The following EFCC1 variants were observed in gnomAD, a reference collection of about 807,000 sequenced individuals.
The protein encoded by EFCC1 is EF-hand and coiled-coil domain-containing protein 1.
A neutral mutation model predicts 52.1 loss-of-function variants in EFCC1; 50 were observed. The ratio of observed to expected loss-of-function variants is 0.96; its 90% CI spans 0.76 to 1.21. The LOEUF is 1.21. Among genes scored for constraint, EFCC1 ranks in the 50% most tolerant of loss-of-function variants. EFCC1 has a pLI of 0.00. For missense variants in EFCC1, 837 were observed against 867.3 expected, an observed-to-expected ratio of 0.97 and a Z score of 0.44; for synonymous variants, 399 against 396.5, an observed-to-expected ratio of 1.01 and a Z score of -0.08.
chr3:129,026,788 T>C (rs1367659121), intron 2 of EFCC1, among the ~76,000 whole-genome samples: 1 of 152,152 alleles, frequency 6.6e-6, no homozygotes, highest in Non-Finnish European at 1.5e-5. Context: ...ACCTAAGCTG[T>C]AGTCACGCGG....
At chr3:129,039,545 C>T (rs1401886542) in intron 7 of EFCC1, among the ~76,000 whole-genome samples, 167 bp from the exon 8 acceptor site, 2 of 152,346 alleles carry the variant, frequency 1.3e-5, no homozygotes, top group South Asian at 2.1e-4. Flanking sequence ...CAAGTCCCCT[C>T]TCCAGGGTCC....
intron 4 of EFCC1, among the ~76,000 whole-genome samples, chr3:129,033,413 C>T (rs913409774): frequency 1.3e-5 from 2 of 152,146 alleles, no homozygotes; most frequent in East Asian, 1.9e-4. Context: ...TCAGACAAGT[C>T]ACCTGGCTTC....
chr3:129,039,331 C>T (rs1946395284), intron 7 of EFCC1, among the ~76,000 whole-genome samples: 1 of 152,218 alleles, frequency 6.6e-6, no homozygotes, highest in South Asian at 2.1e-4. Context: ...TTAGACGAAG[C>T]TCAGGGAGCA....
intron 1 of EFCC1, among the ~76,000 whole-genome samples, chr3:129,002,981 G>C (rs1166696118): frequency 6.6e-6 from 1 of 152,160 alleles, no homozygotes; most frequent in Admixed American, 6.5e-5. Flanking sequence ...TCTGGGAGCC[G>C]TCGACAAACA....
At chr3:129,006,388 CT>C (rs1216945759) in intron 2 of EFCC1, among the ~76,000 whole-genome samples, 3 of 152,250 alleles carry the variant, frequency 2.0e-5, no homozygotes, top group Non-Finnish European at 4.4e-5. Context: ...GCGATCTTGG[CT>C]CACTGCAATC....
chr3:129,013,147 C>G (rs1408780105), intron 2 of EFCC1, among the ~76,000 whole-genome samples: 1 of 151,950 alleles, frequency 6.6e-6, no homozygotes, highest in Non-Finnish European at 1.5e-5. Context: ...CAGACCCAAG[C>G]CGGGTGAGCT....
intron 6 of EFCC1, among the ~76,000 whole-genome samples, 170 bp from the exon 7 acceptor site, chr3:129,038,661 G>A (rs1946386095): frequency 6.6e-6 from 1 of 152,188 alleles, no homozygotes; most frequent in Non-Finnish European, 1.5e-5. Flanking sequence ...TCTGGGAAGT[G>A]CAGTGTGGCC....
At chr3:129,016,912 G>C (rs930877775) in intron 2 of EFCC1, among the ~76,000 whole-genome samples, 1 of 152,156 alleles carries the variant, frequency 6.6e-6, no homozygotes, top group South Asian at 2.1e-4. Flanking sequence ...ACTCAGAATG[G>C]CTTAAACCAC....
chr3:129,013,124 A>AC (rs1477710518), intron 2 of EFCC1, among the ~76,000 whole-genome samples: 1 of 152,136 alleles, frequency 6.6e-6, no homozygotes, highest in African/African-American at 2.4e-5. Flanking sequence ...CAGGGGTAGT[A>AC]TACATGGTTC....
intron 2 of EFCC1, among the ~76,000 whole-genome samples, chr3:129,021,641 A>T (rs1945848959): frequency 6.6e-6 from 1 of 152,232 alleles, no homozygotes; most frequent in African/African-American, 2.4e-5. Context: ...CTGCGCGGGT[A>T]TCTGTCTATT....
intron 6 of EFCC1, 51 bp downstream of exon 6, chr3:129,037,168 G>A (rs977603068): frequency 1.9e-6 from 3 of 1,539,338 alleles, no homozygotes; most frequent in South Asian, 2.4e-5. Context: ...GGAGCTCTTG[G>A]GAGGGAGCCC....
chr3:129,037,938 C>A (rs1304562305), intron 6 of EFCC1, among the ~76,000 whole-genome samples: 1 of 151,764 alleles, frequency 6.6e-6, no homozygotes, highest in Non-Finnish European at 1.5e-5. Flanking sequence ...GTGGTGTATG[C>A]CTGTGGTCCC....
Position 129,012,163 on chromosome 3 carries a change from T to C in EFCC1, c.980+8086T>C, listed in dbSNP as rs112531856. Reference sequence around the variant, plus strand: ...ATGTTGCACATTTTCTTTGGTGTCTTGATGCTTCTTAGGAAGCTTCAGCTC... The same window carrying C: ...ATGTTGCACATTTTCTTTGGTGTCTCGATGCTTCTTAGGAAGCTTCAGCTC... On this transcript the variant is annotated intron_variant, in intron 2 of 7. Transcript: ENST00000683648. 8.8e-3 allele frequency among the ~76,000 whole-genome samples: 1,341 copies of C among 152,358 alleles called. 22 individuals are homozygous for C. The highest frequency in any genetic ancestry group is 0.03 in the African/African-American group (1,262 of 41,580).
intron 2 of EFCC1, among the ~76,000 whole-genome samples, chr3:129,020,159 T>C (rs1227269726): frequency 6.6e-6 from 1 of 152,168 alleles, no homozygotes; most frequent in Non-Finnish European, 1.5e-5. Flanking sequence ...TGCAGAAATT[T>C]ATGCATTTAT....
rs915863998 is a variant in EFCC1, at chr3:129,001,708, C to A, written c.80C>A (p.Thr27Lys). 4.0e-6 allele frequency: 6 copies of A among 1,509,058 alleles called. No individual in the cohort carries two copies. Among genetic ancestry groups the A allele is most frequent in the Non-Finnish European group, 5.3e-6 (6 of 1,131,544 alleles). The allele number at this position is 1,509,058 out of a possible 1,614,324, so 93.5% of individuals were successfully genotyped here. A position where few individuals can be genotyped will look rare whatever the true frequency, so the allele number is the denominator to read the frequency against. ...CCGTACCGGCGACCTGCGCGGCGCA[C>A]GCAGTGGCTGCTGAGCGCCCTGGCG... ...GDPYRRPARR[T>K]QWLLSALAHH... Residue 27 changes from threonine to lysine, a missense_variant, in exon 1 of 8, where the codon ACG becomes AAG. Coordinates refer to ENST00000683648, the MANE Select transcript of EFCC1 (RefSeq NM_001377500.1).
At chr3:129,012,873 G>A (rs911028629) in intron 2 of EFCC1, among the ~76,000 whole-genome samples, 3 of 152,166 alleles carry the variant, frequency 2.0e-5, no homozygotes, top group Admixed American at 2.0e-4. Flanking sequence ...GGAAGAGCGG[G>A]CATTGGGCAT....
Position 129,030,815 on chromosome 3 carries a change from G to T in EFCC1, c.1093G>T (p.Ala365Ser). 1.3e-6 allele frequency: 2 copies of T among 1,551,544 alleles called. No individual in the cohort carries two copies. Among genetic ancestry groups the T allele is most frequent in the Non-Finnish European group, 1.7e-6 (2 of 1,146,906 alleles). Residue 365 changes from alanine to serine, a missense_variant, in exon 3 of 8, where the codon GCC (alanine) becomes TCC (serine). Coordinates refer to ENST00000683648, the MANE Select transcript of EFCC1 (RefSeq NM_001377500.1). ...TRDPDPTPEG[A>S]WQSDSSSGSR... ...AGACCCAGACCCCACTCCAGAGGGA[G>T]CCTGGCAGTCAGACAGCAGCTCTGG...
intron 2 of EFCC1, chr3:129,030,429 A>AT (rs1487986088): frequency 3.6e-6 from 1 of 280,914 alleles, no homozygotes; most frequent in Non-Finnish European, 6.6e-6. Flanking sequence ...AGGAAGGGGC[A>AT]TTTCTTTTCC....
intron 6 of EFCC1, 135 bp downstream of exon 6, chr3:129,037,252 A>G: frequency 7.8e-7 from 1 of 1,286,980 alleles, no homozygotes; most frequent in Non-Finnish European, 1.0e-6. Context: ...AGATGCAGAA[A>G]TGGAGGCTCA....
Sources: gnomAD v4.1 joint callset for allele counts (sites outside exome capture counted in the v4.1 genomes callset) on GRCh38, gnomAD v4.1.1 for gene constraint, MANE v1.5 for transcripts, NCBI Gene and HGNC (gene_info 2026-07-23, HGNC 2026-07-21) for gene names.